The following OSBPL2 variants were observed in gnomAD, a reference collection of about 807,000 sequenced individuals.
The protein encoded by OSBPL2 is oxysterol binding protein like 2.
Under a neutral mutation model 58.4 loss-of-function variants are expected in OSBPL2, and 18 were observed. The ratio of observed to expected loss-of-function variants is 0.31; its 90% confidence interval spans 0.21 to 0.46. The LOEUF is 0.46. Among genes scored for constraint, OSBPL2 ranks in the 20% least tolerant of loss-of-function variants. OSBPL2 has a pLI of 1.00. For synonymous variants in OSBPL2, 221 were observed against 234.1 expected (o/e 0.94, Z 0.51); for missense variants, 461 against 616.5 (o/e 0.75, Z 2.67).
intron 2 of OSBPL2, among the ~76,000 whole-genome samples, chr20:62,258,797 A>G (rs1981105781): frequency 6.6e-6 from 1 of 152,186 alleles, no homozygotes; most frequent in South Asian, 2.1e-4. Context: ...TTAAGTAGGG[A>G]ATGTTTTTAA....
chr20:62,281,662 C>T (rs1982794346), intron 8 of OSBPL2, 128 bp from the exon 9 acceptor site: 2 of 656,452 alleles, frequency 3.0e-6, no homozygotes, highest in East Asian at 2.6e-5. Context: ...CCCAAAGGCC[C>T]ACCACACCCA....
intron 1 of OSBPL2, among the ~76,000 whole-genome samples, chr20:62,251,631 C>T (rs976175632): frequency 6.6e-6 from 1 of 151,756 alleles, no homozygotes; most frequent in Non-Finnish European, 1.5e-5. Flanking sequence ...TGGTCTTGAA[C>T]TCCTGACCTC....
At chr20:62,253,263 G>A (rs907947418) in intron 1 of OSBPL2, among the ~76,000 whole-genome samples, 5 of 152,238 alleles carry the variant, frequency 3.3e-5, no homozygotes, top group Admixed American at 6.5e-5. Flanking sequence ...GGCGACAGTG[G>A]CACAGCAGTG....
chr20:62,275,996 G>C (rs926797176), intron 6 of OSBPL2, among the ~76,000 whole-genome samples: 1 of 149,784 alleles, frequency 6.7e-6, no homozygotes, highest in African/African-American at 2.5e-5. Flanking sequence ...TGCAACCTCC[G>C]CCTGCTGGTT....
chr20:62,288,805 A>G lies in OSBPL2; in HGVS notation c.1126-402A>G, dbSNP rs1983309307. Among the ~76,000 whole-genome samples the G allele has an allele frequency of 6.6e-6, 1 of 152,066 alleles. No homozygotes were observed. Among genetic ancestry groups the G allele is most frequent in the African/African-American group, 2.4e-5 (1 of 41,380 alleles). ...CCAGGGCTGAGGCTTTGGCAGGTGA[A>G]GGGGTAAAGAGGAGGAACCTGTGGG... On this transcript the variant is annotated intron_variant, in intron 11 of 13. Transcript: ENST00000313733. This position sits in a 1 kb window ranked among gnomAD's most constrained non-coding sequence, Gnocchi z 4.8.
At chr20:62,272,625 A>G (rs1982136890) in intron 5 of OSBPL2, among the ~76,000 whole-genome samples, 1 of 152,128 alleles carries the variant, frequency 6.6e-6, no homozygotes, top group African/African-American at 2.4e-5. Flanking sequence ...CTGGGCACGC[A>G]CGGTGGCTCA....
At position 62,293,778 on chromosome 20, in the gene OSBPL2, C is replaced by A; in HGVS notation, c.1341-7C>A. The A allele has an allele frequency of 6.2e-7, 1 of 1,612,910 alleles. No individual in the cohort carries two copies. Among genetic ancestry groups the A allele is most frequent in the South Asian group, 1.1e-5 (1 of 90,900 alleles). On this transcript the variant is annotated splice_region_variant and splice_polypyrimidine_tract_variant and intron_variant, in intron 13 of 13. Coordinates refer to ENST00000313733, the MANE Select transcript of OSBPL2 (RefSeq NM_144498.4). ...ATCTTCTGACCCCCCTCCCTTGTAT[C>A]CGGCAGGTGGTTCTACCCAGGCAAT...
At chr20:62,242,064 G>T (rs1186496104) in intron 1 of OSBPL2, among the ~76,000 whole-genome samples, 1 of 152,250 alleles carries the variant, frequency 6.6e-6, no homozygotes. Flanking sequence ...TGGTTTGATA[G>T]TTTAAATGCA....
intron 1 of OSBPL2, among the ~76,000 whole-genome samples, 161 bp from the exon 2 acceptor site, chr20:62,255,896 G>A (rs1394383616): frequency 1.3e-5 from 2 of 152,070 alleles, no homozygotes; most frequent in Admixed American, 6.5e-5. Flanking sequence ...GCTCCCTCTC[G>A]TTTACTTTTT....
intron 1 of OSBPL2, among the ~76,000 whole-genome samples, chr20:62,243,425 G>A (rs1413624964): frequency 2.0e-5 from 3 of 151,728 alleles, no homozygotes; most frequent in African/African-American, 4.8e-5. Flanking sequence ...GAGCCCTAGC[G>A]CCTGCCCCGC....
Position 62,261,219 on chromosome 20 carries a change from G to A in OSBPL2, c.182+1094G>A, listed in dbSNP as rs916295270. Among the ~76,000 whole-genome samples the A allele has an allele frequency of 3.3e-5, 5 of 151,736 alleles. 1 individual carries two copies. The highest frequency in any genetic ancestry group is 3.3e-4 in the Admixed American group (5 of 15,202). On this transcript the variant is annotated intron_variant, in intron 3 of 13. Transcript: ENST00000313733. ...TAGTCCCGGCTACTCTGGAGGCTGA[G>A]GCAGGGGAATCACTTGAACCCGGGA...
At chr20:62,291,648 G>T (rs1983515605) in intron 12 of OSBPL2, 55 bp from the exon 13 acceptor site, 2 of 1,432,952 alleles carry the variant, frequency 1.4e-6, no homozygotes, top group African/African-American at 1.4e-5. Context: ...ATAGGGGGTG[G>T]CGGGGTGCGG....
chr20:62,293,182 G>A (rs1402886342), intron 13 of OSBPL2, among the ~76,000 whole-genome samples: 3 of 111,624 alleles, frequency 2.7e-5, no homozygotes, highest in African/African-American at 5.6e-5. Context: ...TTTTTTTAAA[G>A]TGTTAAAAAA....
In OSBPL2 at chr20:62,293,155, GC is replaced by G. The variant is rs551449454; in HGVS notation, c.1341-627del. On this transcript the variant is annotated intron_variant, in intron 13 of 13. Transcript: ENST00000313733. Reference sequence around the variant, plus strand: ...TGGAATTACGGGCGTGAGCCACCGCGCCCGGCCTGTTCATTGTTTTTTTAAA... The same window carrying G: ...TGGAATTACGGGCGTGAGCCACCGCGCCGGCCTGTTCATTGTTTTTTTAAA... 1.1e-3 allele frequency among the ~76,000 whole-genome samples: 171 copies of G among 150,954 alleles called. 5 individuals are homozygous for G. The East Asian group carries it at 0.03, about 26-fold the overall frequency.
chr20:62,254,729 C>T (rs1457877952), intron 1 of OSBPL2, among the ~76,000 whole-genome samples: 1 of 152,232 alleles, frequency 6.6e-6, no homozygotes, highest in African/African-American at 2.4e-5. Flanking sequence ...ATTTTTGACA[C>T]AAGTAAGGAT....
At chr20:62,281,564 C>A in intron 8 of OSBPL2, 1 of 538,206 alleles carries the variant, frequency 1.9e-6, no homozygotes, top group Admixed American at 3.1e-5. Context: ...TAAGACTCGC[C>A]CATTCTGAAT....
chr20:62,250,054 CCCTT>C (rs1269952505), intron 1 of OSBPL2, among the ~76,000 whole-genome samples: 3 of 152,226 alleles, frequency 2.0e-5, no homozygotes, highest in African/African-American at 7.2e-5. Flanking sequence ...CAGGGTTGCC[CCCTT>C]AGGAACTTGC....
intron 8 of OSBPL2, chr20:62,281,437 G>T: frequency 1.9e-6 from 1 of 518,800 alleles, no homozygotes; most frequent in Non-Finnish European, 3.5e-6. Context: ...CAGGTGCAGC[G>T]CAGTGGCCGT....
chr20:62,246,540 G>T (rs1035321383), intron 1 of OSBPL2, among the ~76,000 whole-genome samples: 1 of 152,226 alleles, frequency 6.6e-6, no homozygotes, highest in Non-Finnish European at 1.5e-5. Context: ...TGATGCATGG[G>T]CTGAGTTTGC....
Sources: allele counts gnomAD v4.1 joint callset (sites outside exome capture counted in the v4.1 genomes callset), GRCh38; gene constraint gnomAD v4.1.1; non-coding constraint Gnocchi (gnomAD v3.1); transcripts MANE v1.5; gene names NCBI Gene and HGNC (gene_info 2026-07-23, HGNC 2026-07-21).